DEUP1: variants seen among roughly 807,000 people sequenced by gnomAD.
The protein encoded by DEUP1 is coiled-coil domain containing 67.
DEUP1 carries 82 observed loss-of-function variants against 87.4 expected under a neutral mutation model. The observed-to-expected ratio is 0.94, with a 90% CI of 0.78 to 1.13. The LOEUF is 1.13. Among genes scored for constraint, DEUP1 ranks in the 50% most tolerant of loss-of-function variants. The probability of loss-of-function intolerance (pLI) is 0.00; values close to 1 mark genes in which losing one functional copy is unlikely to be tolerated. For missense variants in DEUP1, 663 were observed against 681.5 expected, an observed-to-expected ratio of 0.97 and a Z score of 0.30; for synonymous variants, 214 against 222.7, an observed-to-expected ratio of 0.96 and a Z score of 0.35.
At chr11:93,429,815 C>T (rs1948046816) in intron 13 of DEUP1, among the ~76,000 whole-genome samples, 1 of 152,140 alleles carries the variant, frequency 6.6e-6, no homozygotes, top group Non-Finnish European at 1.5e-5. Flanking sequence ...TAAAATTCTA[C>T]ATTACTCTTT....
chr11:93,383,707 GAACA>G, intron 7 of DEUP1: 1 of 539,476 alleles, frequency 1.9e-6, no homozygotes, highest in Non-Finnish European at 3.3e-6. Flanking sequence ...AAGAATTATT[GAACA>G]AACAATTTTT....
Position 93,437,711 on chromosome 11 carries a change from C to CA in DEUP1, c.1808dup (p.His603GlnfsTer6), listed in dbSNP as rs745897659. ...ATACTCCAAGCTAAAACAAAATAGA[C>CA]ACATATGAGCTTTTAAACTTTTTTA... On this transcript the variant is annotated frameshift_variant, in exon 14 of 14. Coordinates refer to ENST00000298050, the MANE Select transcript of DEUP1 (RefSeq NM_181645.4). LOFTEE classifies it high-confidence loss of function. 6.3e-7 allele frequency: 1 copy of CA among 1,583,470 alleles called. No homozygotes were observed. Among genetic ancestry groups the CA allele is most frequent in the Non-Finnish European group, 8.6e-7 (1 of 1,157,196 alleles).
At chr11:93,418,853 T>TA (rs1052656713) in intron 13 of DEUP1, among the ~76,000 whole-genome samples, 1 of 151,952 alleles carries the variant, frequency 6.6e-6, no homozygotes, top group Non-Finnish European at 1.5e-5. Flanking sequence ...TATGCAGCCA[T>TA]AAAAAATGAT....
At chr11:93,360,410 T>C (rs932936004) in intron 4 of DEUP1, among the ~76,000 whole-genome samples, 5 of 152,096 alleles carry the variant, frequency 3.3e-5, no homozygotes, top group Admixed American at 2.0e-4. Context: ...TAAAAATCAT[T>C]CATTATAGAA....
At chr11:93,366,670 T>C (rs1322142895) in intron 5 of DEUP1, among the ~76,000 whole-genome samples, 1 of 152,224 alleles carries the variant, frequency 6.6e-6, no homozygotes, top group Non-Finnish European at 1.5e-5. Flanking sequence ...CCTGCTGATA[T>C]GTTTGTGACA....
At chr11:93,352,382 T>C (rs2134202704) in intron 2 of DEUP1, 1 of 702,560 alleles carries the variant, frequency 1.4e-6, no homozygotes, top group East Asian at 2.7e-5. Context: ...GGAGAATGCT[T>C]CAGCTTCTTT....
rs571084081 is a variant in DEUP1, at chr11:93,428,636, C to G, written c.1639-8907C>G. Among the ~76,000 whole-genome samples, 13 of 152,088 alleles carry G rather than the reference C, an allele frequency of 8.5e-5. No homozygotes were observed. In the South Asian group the frequency reaches 2.7e-3, roughly 32 times the overall value. On this transcript the variant is annotated intron_variant, in intron 13 of 13. Transcript: ENST00000298050. ...AAAAAGTTTTATAACAAAACCATCA[C>G]ATGTTTTAAGTGTACAATTCCAAGT...
At chr11:93,363,178 G>T (rs1206519036) in intron 4 of DEUP1, among the ~76,000 whole-genome samples, 1 of 151,862 alleles carries the variant, frequency 6.6e-6, no homozygotes, top group Non-Finnish European at 1.5e-5. Context: ...AAATTATAGA[G>T]ATGGAAAACA....
chr11:93,391,746 A>C (rs79357049), intron 9 of DEUP1, among the ~76,000 whole-genome samples: 1,602 of 152,040 alleles, frequency 0.011, 25 homozygotes, highest in African/African-American at 0.036. Flanking sequence ...TTTAAGTGGA[A>C]CAGGTTAAAC....
At chr11:93,390,001 T>A (rs1565328578) in intron 9 of DEUP1, among the ~76,000 whole-genome samples, 1 of 152,160 alleles carries the variant, frequency 6.6e-6, no homozygotes, top group Non-Finnish European at 1.5e-5. Context: ...CTACAAAGAG[T>A]ATGATTCTCT....
chr11:93,348,983 A>G (rs1944496876), intron 2 of DEUP1, among the ~76,000 whole-genome samples: 1 of 152,180 alleles, frequency 6.6e-6, no homozygotes, highest in South Asian at 2.1e-4. Flanking sequence ...TGATAGAAAC[A>G]GGATCCCAAA....
At chr11:93,348,222 G>T (rs1437800926) in intron 2 of DEUP1, among the ~76,000 whole-genome samples, 1 of 151,912 alleles carries the variant, frequency 6.6e-6, no homozygotes, top group Non-Finnish European at 1.5e-5. Flanking sequence ...TGTTTATTTG[G>T]ATCTTCTCTC....
intron 7 of DEUP1, among the ~76,000 whole-genome samples, chr11:93,382,567 GCTAACCCTAGCCTGTGGCAACA>G (rs1241976931): frequency 6.6e-6 from 1 of 152,072 alleles, no homozygotes; most frequent in Admixed American, 6.6e-5. Context: ...CAGAGTTTCA[GCTAACCCTAGCCTGTGGCAACA>G]CTATATTTTA....
chr11:93,336,924 T>G (rs1181514157), intron 2 of DEUP1, among the ~76,000 whole-genome samples: 1 of 152,176 alleles, frequency 6.6e-6, no homozygotes, highest in Non-Finnish European at 1.5e-5. Context: ...GTTAGTAGGA[T>G]TTGGGGAGGG....
At chr11:93,408,059 G>C (rs1323614472) in intron 11 of DEUP1, among the ~76,000 whole-genome samples, 172 bp from the exon 12 acceptor site, 1 of 152,024 alleles carries the variant, frequency 6.6e-6, no homozygotes, top group African/African-American at 2.4e-5. Flanking sequence ...GTATCTGCTT[G>C]TTGTGAGGAG....
chr11:93,437,623 T>A lies in DEUP1; in HGVS notation c.1719T>A (p.Leu573=). ...LLEEEKRAKE[L]EKLLNTHIDE... Reference sequence around the variant, plus strand: ...AAGAAGAGAAACGAGCAAAAGAACTTGAAAAACTTCTAAATACACATATTG... The same window carrying A: ...AAGAAGAGAAACGAGCAAAAGAACTAGAAAAACTTCTAAATACACATATTG... The change falls in exon 14 of 14, where the codon CTT becomes CTA. Residue 573 remains leucine, a synonymous_variant. Coordinates refer to ENST00000298050, the MANE Select transcript of DEUP1 (RefSeq NM_181645.4). 6.2e-7 allele frequency: 1 copy of A among 1,612,786 alleles called. No homozygotes were observed. The highest frequency in any genetic ancestry group is 1.1e-5 in the South Asian group (1 of 91,042).
intron 7 of DEUP1, among the ~76,000 whole-genome samples, chr11:93,377,234 G>A (rs942415677): frequency 6.6e-6 from 1 of 152,090 alleles, no homozygotes; most frequent in Non-Finnish European, 1.5e-5. Context: ...CACTATTACT[G>A]TGTTGCTGTC....
At chr11:93,360,977 G>A (rs1945150050) in intron 4 of DEUP1, among the ~76,000 whole-genome samples, 1 of 144,350 alleles carries the variant, frequency 6.9e-6, no homozygotes, top group South Asian at 2.2e-4. Context: ...TAAATCAAAA[G>A]ACAGCCATAT....
At chr11:93,338,267 G>A (rs1943873320) in intron 2 of DEUP1, among the ~76,000 whole-genome samples, 3 of 151,270 alleles carry the variant, frequency 2.0e-5, no homozygotes, top group African/African-American at 4.9e-5. Context: ...TAATAAGAAC[G>A]TTAAGAAGTT....
Sources: gnomAD v4.1 joint callset for allele counts (sites outside exome capture counted in the v4.1 genomes callset) on GRCh38, gnomAD v4.1.1 for gene constraint, MANE v1.5 for transcripts, NCBI Gene and HGNC (gene_info 2026-07-23, HGNC 2026-07-21) for gene names.